FRMPD3: variants seen among roughly 807,000 people sequenced by gnomAD.
FRMPD3 encodes the protein FERM and PDZ domain-containing protein 3.
FRMPD3 carries 42 observed loss-of-function variants against 97.9 expected under a neutral mutation model. The ratio of observed to expected loss-of-function variants is 0.43; its 90% CI spans 0.34 to 0.55. The LOEUF is 0.55. Ranked by LOEUF, FRMPD3 falls within the 20% of genes least tolerant of loss-of-function variation. The pLI is 0.03. For missense variants in FRMPD3, 1,303 were observed against 1,457.7 expected (o/e 0.89, Z 1.73); for synonymous variants, 577 against 581.1 (o/e 0.99, Z 0.10).
At chrX:107,571,256 A>G (rs913054669) in intron 12 of FRMPD3, among the ~76,000 whole-genome samples, 1 of 112,435 alleles carries the variant, frequency 8.9e-6, no homozygotes, top group Non-Finnish European at 1.9e-5. Context: ...CGTCATGATC[A>G]TTAAAATCCT....
chrX:107,451,978 G>A (rs1363199483), intron 1 of FRMPD3, among the ~76,000 whole-genome samples: 1 of 111,975 alleles, frequency 8.9e-6, no homozygotes, highest in Admixed American at 9.4e-5. Flanking sequence ...CGCCCCCTTA[G>A]ATTATTTAGG....
Position 107,600,565 on chromosome X carries a change from C to G in FRMPD3, c.2526C>G (p.Leu842=). Residue 842 remains leucine (L), a synonymous_variant, in exon 15 of 15, where the codon CTC becomes CTG. Transcript: ENST00000683843. ...GGCGCCCGGATCCCAACCCATCTCT[C>G]CAACCCATTGCCACAGGCCAGAGTC... The part of the protein sequence containing the change: ...SLGRPDPNPS[L]QPIATGQSPG... 8.3e-7 allele frequency: 1 copy of G among 1,211,031 alleles called. No individual in the cohort carries two copies. Among genetic ancestry groups the G allele is most frequent in the Non-Finnish European group, 1.1e-6 (1 of 895,418 alleles).
At chrX:107,546,112 A>G (rs898951697) in intron 5 of FRMPD3, among the ~76,000 whole-genome samples, 11 of 111,802 alleles carry the variant, frequency 9.8e-5, no homozygotes, top group Admixed American at 8.6e-4. Context: ...AGTAGCTTAC[A>G]CTCAAAGCAA....
intron 8 of FRMPD3, among the ~76,000 whole-genome samples, chrX:107,557,797 C>CTA (rs59276897): frequency 0.033 from 984 of 29,961 alleles, 47 homozygotes; most frequent in East Asian, 0.06. Context: ...AATCTGTTGT[C>CTA]TATATATATA....
chrX:107,584,626 T>G (rs1250489843), intron 13 of FRMPD3, among the ~76,000 whole-genome samples: 1 of 112,277 alleles, frequency 8.9e-6, no homozygotes, highest in East Asian at 2.8e-4. Context: ...TTGTATAAGG[T>G]GTAAGGAAGG....
At chrX:107,563,072 C>T (rs745444889) in intron 10 of FRMPD3, 39 bp from the exon 11 acceptor site, 2 of 1,102,170 alleles carry the variant, frequency 1.8e-6, no homozygotes, top group South Asian at 3.7e-5. Flanking sequence ...TTCCTGTGCC[C>T]CTCAGGCTTC....
chrX:107,489,056 A>G (rs1369707231), intron 1 of FRMPD3, among the ~76,000 whole-genome samples: 4 of 94,875 alleles, frequency 4.2e-5, no homozygotes, highest in Non-Finnish European at 8.2e-5. Context: ...TCGTTGTTCA[A>G]TTCCCACCTA....
At chrX:107,475,659 T>C (rs368171706) in intron 1 of FRMPD3, among the ~76,000 whole-genome samples, 2 of 112,422 alleles carry the variant, frequency 1.8e-5, no homozygotes, top group East Asian at 5.6e-4. Context: ...GTGAAATGGA[T>C]TCTGTGTTTG....
chrX:107,591,811 G>T (rs775111691), intron 13 of FRMPD3, among the ~76,000 whole-genome samples: 1 of 111,839 alleles, frequency 8.9e-6, no homozygotes, highest in South Asian at 3.7e-4. Flanking sequence ...GGGTACACGA[G>T]ATGTTTTGTT....
chrX:107,558,057 C>G (rs1027122607), intron 8 of FRMPD3, among the ~76,000 whole-genome samples: 2 of 107,543 alleles, frequency 1.9e-5, no homozygotes, highest in Non-Finnish European at 3.8e-5. Flanking sequence ...CTACCAAAAC[C>G]TGCTGTGATT....
intron 4 of FRMPD3, among the ~76,000 whole-genome samples, chrX:107,541,706 C>T (rs1281422300): frequency 9.0e-6 from 1 of 111,310 alleles, no homozygotes; most frequent in Non-Finnish European, 1.9e-5. Flanking sequence ...AAAAGGATAC[C>T]AGTTGGGGTT....
chrX:107,513,555 C>T (rs1417747577), intron 1 of FRMPD3, among the ~76,000 whole-genome samples: 2 of 112,019 alleles, frequency 1.8e-5, no homozygotes, highest in East Asian at 2.8e-4. Context: ...ATGCCGTCTC[C>T]CATTCCTTCT....
Position 107,602,933 on chromosome X carries a change from G to C in FRMPD3, c.4894G>C (p.Ala1632Pro). The change falls in exon 15 of 15, where the codon GCT becomes CCT. Residue 1632 changes from alanine to proline, a missense_variant. Ala to Pro is a conservative substitution (Grantham distance 27). Around this residue, in one of 3 missense-constraint regions of FRMPD3, gnomAD observed 764 missense variants for 820.2 expected, o/e 0.93. Transcript: ENST00000683843. ...SQISEYKLEL[A>P]LKFKELRASC... ...GATCTCCGAGTATAAGCTTGAGCTA[G>C]CTCTCAAGTTCAAGGAGCTCCGGGC... The C allele has an allele frequency of 8.3e-7, 1 of 1,211,244 alleles. No homozygotes were observed. Among genetic ancestry groups the C allele is most frequent in the Non-Finnish European group, 1.1e-6 (1 of 895,435 alleles).
chrX:107,507,006 C>G (rs984407421), intron 1 of FRMPD3, among the ~76,000 whole-genome samples: 6 of 110,760 alleles, frequency 5.4e-5, no homozygotes, highest in Non-Finnish European at 7.6e-5. Flanking sequence ...GAGGGGGGCC[C>G]GACGGTAAGT....
At chrX:107,497,483 T>C (rs763990117) in intron 1 of FRMPD3, among the ~76,000 whole-genome samples, 2 of 112,492 alleles carry the variant, frequency 1.8e-5, no homozygotes, top group East Asian at 5.6e-4. Flanking sequence ...AACTGTCCAG[T>C]ACCTTTCCAG....
chrX:107,548,439 A>C (rs1921712691), intron 5 of FRMPD3, among the ~76,000 whole-genome samples: 1 of 112,048 alleles, frequency 8.9e-6, no homozygotes, highest in Non-Finnish European at 1.9e-5. Flanking sequence ...TGGCCCAGGG[A>C]AATGGTTGGG....
At chrX:107,489,969 A>C (rs1488230295) in intron 1 of FRMPD3, among the ~76,000 whole-genome samples, 1 of 112,027 alleles carries the variant, frequency 8.9e-6, no homozygotes, top group Non-Finnish European at 1.9e-5. Flanking sequence ...TTATGGTTTT[A>C]GGTCTAACAT....
intron 5 of FRMPD3, among the ~76,000 whole-genome samples, chrX:107,548,412 A>G (rs1921712314): frequency 8.9e-6 from 1 of 112,327 alleles, no homozygotes; most frequent in African/African-American, 3.2e-5. Context: ...CCATTCCTAT[A>G]GAACTGATGA....
At chrX:107,513,569 C>G (rs1922222750) in intron 1 of FRMPD3, among the ~76,000 whole-genome samples, 1 of 112,117 alleles carries the variant, frequency 8.9e-6, no homozygotes, top group Admixed American at 9.4e-5. Context: ...TCCTTCTTAG[C>G]TTGTAGCCCT....
Sources: allele counts gnomAD v4.1 joint callset (sites outside exome capture counted in the v4.1 genomes callset), GRCh38; gene constraint gnomAD v4.1.1; regional missense constraint gnomAD v4.1.1; transcripts MANE v1.5; gene names NCBI Gene and HGNC (gene_info 2026-07-23, HGNC 2026-07-21).